AFF1: variants seen among roughly 807,000 people sequenced by gnomAD.
AFF1 encodes ALF transcription elongation factor 1, also known as AF4/FMR2 family member 1.
Under a neutral mutation model 121.7 loss-of-function variants are expected in AFF1, and 48 were observed. That is an observed-to-expected ratio of 0.39 (90% CI 0.31 to 0.50). The LOEUF (loss-of-function observed/expected upper bound fraction) is 0.50. Among genes scored for constraint, AFF1 ranks in the 20% least tolerant of loss-of-function variants. AFF1 has a pLI of 0.76. For missense variants in AFF1, 1,523 were observed against 1,511.7 expected, an observed-to-expected ratio of 1.01 and a Z score of -0.12; for synonymous variants, 613 against 563.0, an observed-to-expected ratio of 1.09 and a Z score of -1.26.
intron 12 of AFF1, among the ~76,000 whole-genome samples, chr4:87,120,059 G>A (rs960885138): frequency 1.3e-5 from 2 of 152,208 alleles, no homozygotes; most frequent in Non-Finnish European, 2.9e-5. Flanking sequence ...CTTCGTGCCT[G>A]TTAGTTACCC....
intron 12 of AFF1, among the ~76,000 whole-genome samples, chr4:87,120,387 A>G (rs1257802096): frequency 6.6e-6 from 1 of 152,198 alleles, no homozygotes; most frequent in Non-Finnish European, 1.5e-5. Context: ...TTGGAAGAGG[A>G]TAATAGAGCC....
chr4:87,057,542 C>T (rs1006199439), intron 4 of AFF1, among the ~76,000 whole-genome samples: 1 of 151,560 alleles, frequency 6.6e-6, no homozygotes, highest in African/African-American at 2.4e-5. Flanking sequence ...TTCCATACTC[C>T]TACTATGGAA....
chr4:87,012,590 T>A (rs2149539732), intron 2 of AFF1, among the ~76,000 whole-genome samples: 1 of 152,328 alleles, frequency 6.6e-6, no homozygotes, highest in South Asian at 2.1e-4. Flanking sequence ...ATTTTCTGTC[T>A]CCTTCAGATG....
chr4:87,111,006 TTTTTTA>T, intron 11 of AFF1, among the ~76,000 whole-genome samples: 1 of 25,496 alleles, frequency 3.9e-5, no homozygotes, highest in African/African-American at 1.3e-4. Flanking sequence ...TTATTTTTTT[TTTTTTA>T]TTTTTTTTTT....
At chr4:87,046,659 G>GT (rs760364810) in intron 3 of AFF1, 36 bp from the exon 4 acceptor site, 209 of 1,567,586 alleles carry the variant, frequency 1.3e-4, no homozygotes, top group Admixed American at 1.1e-3. Context: ...GTTTTCCTTA[G>GT]TTTTTTTTCA....
At chr4:86,959,606 G>A (rs145630213) in intron 2 of AFF1, among the ~76,000 whole-genome samples, 1 of 151,990 alleles carries the variant, frequency 6.6e-6, no homozygotes, top group East Asian at 1.9e-4. Flanking sequence ...CAGAGTGCTG[G>A]TACTTTCCTT....
intron 11 of AFF1, among the ~76,000 whole-genome samples, chr4:87,110,600 A>G (rs1166768675): frequency 2.0e-5 from 3 of 151,866 alleles, no homozygotes; most frequent in Non-Finnish European, 2.9e-5. Flanking sequence ...AGCTCCCACA[A>G]ATTAGTGTGT....
intron 2 of AFF1, among the ~76,000 whole-genome samples, chr4:87,043,600 G>A (rs1236968114): frequency 6.6e-6 from 1 of 152,178 alleles, no homozygotes; most frequent in Non-Finnish European, 1.5e-5. Flanking sequence ...ACTGCCAACT[G>A]GAAGTAAGTT....
intron 2 of AFF1, among the ~76,000 whole-genome samples, chr4:86,991,056 G>A (rs1724662793): frequency 6.6e-6 from 1 of 152,070 alleles, no homozygotes; most frequent in African/African-American, 2.4e-5. Flanking sequence ...GGAGGCTGAG[G>A]CAGGAAAATT....
chr4:86,981,487 C>T (rs192041950), intron 2 of AFF1, among the ~76,000 whole-genome samples: 353 of 152,252 alleles, frequency 2.3e-3, no homozygotes, highest in Non-Finnish European at 3.7e-3. Flanking sequence ...CCTGCCTCAG[C>T]CTCTGGAGTA....
chr4:87,053,073 G>C (rs1429226492), intron 4 of AFF1, among the ~76,000 whole-genome samples: 1 of 152,138 alleles, frequency 6.6e-6, no homozygotes, highest in Non-Finnish European at 1.5e-5. Context: ...TCTAACTCTG[G>C]GAAAATGTCA....
chr4:86,979,722 G>A (rs6822432), intron 2 of AFF1, among the ~76,000 whole-genome samples: 5,915 of 152,238 alleles, frequency 0.039, 194 homozygotes, highest in African/African-American at 0.093. Context: ...CTATCGGAGT[G>A]GCAAAAAATA....
intron 15 of AFF1, among the ~76,000 whole-genome samples, chr4:87,127,320 C>G (rs1006921332): frequency 2.0e-5 from 3 of 152,112 alleles, no homozygotes; most frequent in Non-Finnish European, 4.4e-5. Context: ...GCCATCATGC[C>G]TGGCTAACTT....
chr4:87,065,705 G>A (rs1484269059), intron 4 of AFF1, among the ~76,000 whole-genome samples: 2 of 152,164 alleles, frequency 1.3e-5, no homozygotes, highest in African/African-American at 2.4e-5. Context: ...GTTTTAGGCC[G>A]GAGGTAATTT....
At chr4:87,000,818 C>T (rs1725650683) in intron 2 of AFF1, among the ~76,000 whole-genome samples, 1 of 152,016 alleles carries the variant, frequency 6.6e-6, no homozygotes, top group Non-Finnish European at 1.5e-5. Flanking sequence ...AAGAAAAAAA[C>T]ATTGAGTGAA....
chr4:87,022,543 G>T (rs1407755394), intron 2 of AFF1, among the ~76,000 whole-genome samples: 2 of 80,182 alleles, frequency 2.5e-5, no homozygotes, highest in African/African-American at 8.4e-5. Flanking sequence ...CGTGCTTACA[G>T]ATATATATAT....
chr4:86,944,492 G>A (rs370942542), intron 1 of AFF1, among the ~76,000 whole-genome samples: 11 of 151,250 alleles, frequency 7.3e-5, no homozygotes, highest in Admixed American at 4.6e-4. Flanking sequence ...TCAGGCACGC[G>A]CCATCACGCT....
intron 2 of AFF1, among the ~76,000 whole-genome samples, chr4:86,952,692 T>G (rs2149456597): frequency 6.8e-6 from 1 of 147,678 alleles, no homozygotes; most frequent in African/African-American, 2.5e-5. Flanking sequence ...CACAACTTTT[T>G]TTTTTTTTTT....
chr4:87,072,337 T>G (rs1266489473), intron 4 of AFF1, among the ~76,000 whole-genome samples: 2 of 130,590 alleles, frequency 1.5e-5, no homozygotes, highest in Non-Finnish European at 3.1e-5. Context: ...CACTCCAGCC[T>G]GGGCAACAGA....
Sources: allele counts gnomAD v4.1 joint callset (sites outside exome capture counted in the v4.1 genomes callset), GRCh38; gene constraint gnomAD v4.1.1; transcripts MANE v1.5; gene names NCBI Gene and HGNC (gene_info 2026-07-23, HGNC 2026-07-21).